COL4A1: variants seen among roughly 807,000 people sequenced by gnomAD.
COL4A1 encodes collagen type IV alpha 1 chain, also known as collagen alpha-1(IV) chain.
Under a neutral mutation model 216.6 loss-of-function variants are expected in COL4A1, and 40 were observed. The observed-to-expected ratio is 0.18, with a 90% CI of 0.14 to 0.24. The LOEUF (loss-of-function observed/expected upper bound fraction) is 0.24. Ranked by LOEUF, COL4A1 falls within the 10% of genes least tolerant of loss-of-function variation. The pLI is 1.00. For missense variants in COL4A1, 1,628 were observed against 2,196.8 expected (o/e 0.74, Z 5.18); for synonymous variants, 839 against 810.7 (o/e 1.03, Z -0.59).
chr13:110,249,756 CA>C (rs901573694), intron 1 of COL4A1, among the ~76,000 whole-genome samples: 1 of 152,000 alleles, frequency 6.6e-6, no homozygotes, highest in Non-Finnish European at 1.5e-5. Flanking sequence ...ATTAGCTCCC[CA>C]AAAAAGTGTC....
At chr13:110,219,650 ATATATATATATGT>A (rs1880274879) in intron 2 of COL4A1, among the ~76,000 whole-genome samples, 1 of 110,632 alleles carries the variant, frequency 9.0e-6, no homozygotes, top group Non-Finnish European at 1.8e-5. Context: ...AGTTGAAAAT[ATATATATATATGT>A]ATATATATAT....
chr13:110,285,737 C>T (rs2139305183), intron 1 of COL4A1, among the ~76,000 whole-genome samples: 1 of 152,240 alleles, frequency 6.6e-6, no homozygotes. Context: ...TTCTCCTGCC[C>T]CTGGTGCTCC....
At chr13:110,270,210 A>T (rs1286032658) in intron 1 of COL4A1, among the ~76,000 whole-genome samples, 2 of 152,152 alleles carry the variant, frequency 1.3e-5, no homozygotes, top group African/African-American at 2.4e-5. Flanking sequence ...CCTGAAACTG[A>T]CCTGTGTTCA....
chr13:110,154,158 G>A lies in COL4A1; in HGVS notation c.4755+1125C>T, dbSNP rs3825487. Among the ~76,000 whole-genome samples, 13 of 152,354 alleles carry A rather than the reference G, an allele frequency of 8.5e-5. 1 individual carries two copies. The East Asian group carries it at 2.5e-3, about 29-fold the overall frequency. ...TCCTGACAGTGTGAAGATGGGACTA[G>A]GACTTCCAATGATGGTGCAGATGTA... On this transcript the variant is annotated intron_variant, in intron 50 of 51. Transcript: ENST00000375820.
intron 1 of COL4A1, among the ~76,000 whole-genome samples, chr13:110,299,260 A>C (rs925782308): frequency 2.5e-4 from 38 of 152,094 alleles, no homozygotes; most frequent in African/African-American, 8.7e-4. Context: ...CCGCACCCTC[A>C]CCTGCTAGAA....
intron 2 of COL4A1, among the ~76,000 whole-genome samples, chr13:110,232,800 C>T (rs1881127387): frequency 6.6e-6 from 1 of 152,000 alleles, no homozygotes; most frequent in Non-Finnish European, 1.5e-5. Flanking sequence ...ACAGAATCGG[C>T]TCCCTATTTT....
At chr13:110,251,810 C>T (rs985063540) in intron 1 of COL4A1, among the ~76,000 whole-genome samples, 26 of 152,198 alleles carry the variant, frequency 1.7e-4, no homozygotes, top group African/African-American at 5.5e-4. Flanking sequence ...AGATCTTGGC[C>T]GCACAGCCTG....
At chr13:110,219,842 ATGTGTATATATATGTATATATGTG>A (rs1203971497) in intron 2 of COL4A1, among the ~76,000 whole-genome samples, 2 of 54,828 alleles carry the variant, frequency 3.6e-5, no homozygotes, top group Admixed American at 2.4e-4. Flanking sequence ...GTATGTATAT[ATGTGTATATATATGTATATATGTG>A]TGTGTATATA....
intron 44 of COL4A1, among the ~76,000 whole-genome samples, 167 bp downstream of exon 44, chr13:110,166,991 T>C (rs1227402854): frequency 6.6e-6 from 1 of 152,246 alleles, no homozygotes; most frequent in Admixed American, 6.5e-5. Context: ...CATAAGATTA[T>C]ACAAATTGGG....
chr13:110,272,672 C>T (rs912523720), intron 1 of COL4A1, among the ~76,000 whole-genome samples: 1 of 152,228 alleles, frequency 6.6e-6, no homozygotes, highest in Non-Finnish European at 1.5e-5. Flanking sequence ...CCGGGAAGGC[C>T]AGTACCTAAC....
At chr13:110,155,651 C>T (rs2138421282) in intron 49 of COL4A1, among the ~76,000 whole-genome samples, 1 of 152,316 alleles carries the variant, frequency 6.6e-6, no homozygotes, top group Non-Finnish European at 1.5e-5. Context: ...TGGCTCATGT[C>T]TATAATCCCA....
At chr13:110,183,349 T>C (rs1878265230) in intron 26 of COL4A1, 73 bp from the exon 27 acceptor site, 1 of 1,428,558 alleles carries the variant, frequency 7.0e-7, no homozygotes, top group Non-Finnish European at 9.7e-7. Context: ...GGACACGCAG[T>C]GGGTGGGCTG....
At chr13:110,285,019 A>G (rs1340315654) in intron 1 of COL4A1, among the ~76,000 whole-genome samples, 3 of 152,236 alleles carry the variant, frequency 2.0e-5, no homozygotes, top group Non-Finnish European at 1.5e-5. Flanking sequence ...AGCGAGGCAC[A>G]TGCCCTCAGC....
At chr13:110,196,605 CAAACA>C (rs1878902541) in intron 21 of COL4A1, among the ~76,000 whole-genome samples, 1 of 137,998 alleles carries the variant, frequency 7.2e-6, no homozygotes, top group African/African-American at 2.7e-5. Context: ...AAAAAACAAA[CAAACA>C]AAAAAAAAAT....
At chr13:110,266,270 C>T (rs1302617850) in intron 1 of COL4A1, among the ~76,000 whole-genome samples, 1 of 152,208 alleles carries the variant, frequency 6.6e-6, no homozygotes, top group Non-Finnish European at 1.5e-5. Flanking sequence ...ACGCACCAAG[C>T]TCCGGGCCAG....
intron 46 of COL4A1, among the ~76,000 whole-genome samples, chr13:110,163,981 TCTC>T (rs1485987068): frequency 1.8e-3 from 184 of 102,978 alleles, no homozygotes; most frequent in Middle Eastern, 4.9e-3. Context: ...TCTTTCTCTC[TCTC>T]TTTTTTTTTT....
At chr13:110,222,569 C>T (rs527555689) in intron 2 of COL4A1, among the ~76,000 whole-genome samples, 8 of 137,300 alleles carry the variant, frequency 5.8e-5, no homozygotes, top group Non-Finnish European at 1.3e-4. Flanking sequence ...GTCAGGAGAT[C>T]GAGACCATCC....
intron 1 of COL4A1, among the ~76,000 whole-genome samples, chr13:110,280,633 G>A (rs1374456399): frequency 2.6e-5 from 4 of 152,204 alleles, no homozygotes; most frequent in African/African-American, 7.2e-5. Flanking sequence ...ACAATCCCAC[G>A]CCTACATCTG....
At chr13:110,192,946 A>G (rs773819179) in intron 22 of COL4A1, 33 bp from the exon 23 acceptor site, 1 of 1,596,732 alleles carries the variant, frequency 6.3e-7, no homozygotes, top group Non-Finnish European at 8.6e-7. Context: ...GCTTACGTGT[A>G]ACATGTGACC....
Sources: allele counts gnomAD v4.1 joint callset (sites outside exome capture counted in the v4.1 genomes callset), GRCh38; gene constraint gnomAD v4.1.1; transcripts MANE v1.5; gene names NCBI Gene and HGNC (gene_info 2026-07-23, HGNC 2026-07-21).